Variants in RWDD1 observed in about 807,000 individuals in gnomAD.
RWDD1 encodes the protein RWD domain containing 1.
A neutral mutation model predicts 31.6 loss-of-function variants in RWDD1; 17 were observed. The observed-to-expected ratio is 0.54, with a 90% confidence interval of 0.37 to 0.81. RWDD1 has a LOEUF of 0.81. RWDD1 is among the 30% of genes least tolerant of loss of function. The pLI, the probability that RWDD1 is intolerant of heterozygous loss-of-function variation, is 0.00. For missense variants in RWDD1, 204 were observed against 274.5 expected (o/e 0.74, Z 1.82); for synonymous variants, 78 against 94.2 (o/e 0.83, Z 0.99).
Position 116,584,726 on chromosome 6 carries a change from GCTGTC to G in RWDD1, c.141_145del (p.Val48AspfsTer9). 1 of 1,610,354 alleles carries G rather than the reference GCTGTC, an allele frequency of 6.2e-7. No individual in the cohort carries two copies. ...CATCAAACTCTTATCTTGTGTCTTA[GCTGTC>G]CAGACTACCCTCAAGTTTACATACA... On this transcript the variant is annotated frameshift_variant and splice_region_variant, in exon 3 of 7. Transcript: ENST00000466444. LOFTEE classifies it high-confidence loss of function.
chr6:116,579,694 T>C (rs1774914402), intron 1 of RWDD1, among the ~76,000 whole-genome samples: 2 of 152,230 alleles, frequency 1.3e-5, no homozygotes, highest in South Asian at 4.1e-4. Flanking sequence ...GTAAATTACA[T>C]GCAATCTGAT....
chr6:116,591,138 CTCTT>C (rs545882780), intron 6 of RWDD1, among the ~76,000 whole-genome samples, 188 bp downstream of exon 6: 182 of 151,608 alleles, frequency 1.2e-3, no homozygotes, highest in African/African-American at 4.3e-3. Flanking sequence ...ATAATGTAGT[CTCTT>C]TAATTTTGAA....
intron 6 of RWDD1, 57 bp from the exon 7 acceptor site, chr6:116,592,923 T>C: frequency 6.4e-7 from 1 of 1,568,038 alleles, no homozygotes. Flanking sequence ...TTTTATCTTC[T>C]ATTTCTGAGT....
intron 1 of RWDD1, among the ~76,000 whole-genome samples, chr6:116,575,939 T>G (rs1005385837): frequency 4.6e-5 from 7 of 152,196 alleles, no homozygotes; most frequent in Non-Finnish European, 7.4e-5. Flanking sequence ...ATCTTTTTAG[T>G]GGGAACTTAG....
intron 1 of RWDD1, among the ~76,000 whole-genome samples, chr6:116,579,577 G>A (rs542521910): frequency 2.0e-5 from 3 of 152,276 alleles, no homozygotes; most frequent in Admixed American, 6.5e-5. Flanking sequence ...TCTTGTTGAG[G>A]AATAGATGAT....
chr6:116,584,374 G>T (rs1293972743), intron 2 of RWDD1, among the ~76,000 whole-genome samples: 3 of 141,516 alleles, frequency 2.1e-5, no homozygotes, highest in Non-Finnish European at 4.6e-5. Context: ...GGCTGAAAAT[G>T]AGCATACGGT....
chr6:116,596,991 A>C lies in RWDD1; in HGVS notation c.*3890A>C, dbSNP rs1044362956. 11 of 152,188 alleles carry C rather than the reference A, an allele frequency of 7.2e-5. No individual in the cohort carries two copies. The highest frequency in any genetic ancestry group is 2.4e-4 in the African/African-American group (10 of 41,444). The allele number at this position is 152,188 out of a possible 1,614,324, so 9.4% of individuals were successfully genotyped here. A position where few individuals can be genotyped will look rare whatever the true frequency, so the allele number is the denominator to read the frequency against. Reference sequence around the variant, plus strand: ...ACAAAGTCACTCTGCGATTTCAGTAAGGCCCATTCCCAACATGAGTGCTGC... The same window carrying C: ...ACAAAGTCACTCTGCGATTTCAGTACGGCCCATTCCCAACATGAGTGCTGC... On this transcript the variant is annotated 3_prime_UTR_variant, in exon 7 of 7. Transcript: ENST00000466444.
rs1775236894 is a variant in RWDD1 at position 116,596,231 on chromosome 6, G to T, written c.*3130G>T. The stretch of plus-strand genomic sequence containing the variant: ...TCAAAATGAGAGTCACACACTTCAA[G>T]AACTGTAGGAACTAATTTTAGAAAA... On this transcript the variant is annotated 3_prime_UTR_variant, in exon 7 of 7. Transcript: ENST00000466444. The T allele has an allele frequency of 6.6e-6, 1 of 152,236 alleles. No individual in the cohort carries two copies. Among genetic ancestry groups the T allele is most frequent in the Non-Finnish European group, 1.5e-5 (1 of 68,042 alleles). 9.4% of individuals were successfully genotyped at this position (152,236 alleles called of 1,614,324 possible). A position where few individuals can be genotyped will look rare whatever the true frequency, so the allele number is the denominator to read the frequency against.
intron 2 of RWDD1, among the ~76,000 whole-genome samples, chr6:116,581,281 T>C (rs1173432495): frequency 6.6e-6 from 1 of 152,132 alleles, no homozygotes. Flanking sequence ...AATTTTCCTT[T>C]GTAAATAAGC....
intron 2 of RWDD1, among the ~76,000 whole-genome samples, chr6:116,583,485 T>C (rs1424719488): frequency 6.6e-6 from 1 of 152,154 alleles, no homozygotes; most frequent in Non-Finnish European, 1.5e-5. Context: ...TACTGTATTG[T>C]ATACTTGAAA....
At chr6:116,590,538 T>A in intron 5 of RWDD1, 134 bp downstream of exon 5, 1 of 1,120,024 alleles carries the variant, frequency 8.9e-7, no homozygotes, top group Non-Finnish European at 1.2e-6. Context: ...AGAAAACATA[T>A]CTACCAGATG....
intron 2 of RWDD1, among the ~76,000 whole-genome samples, chr6:116,582,825 G>C (rs1167189215): frequency 6.6e-6 from 1 of 151,484 alleles, no homozygotes; most frequent in Non-Finnish European, 1.5e-5. Context: ...GTTCCTTGAG[G>C]GGCATGTTAA....
intron 2 of RWDD1, among the ~76,000 whole-genome samples, chr6:116,583,365 A>G (rs956351988): frequency 2.6e-5 from 4 of 152,188 alleles, no homozygotes; most frequent in African/African-American, 9.6e-5. Flanking sequence ...TCTGGGAGGT[A>G]GTAGGAATGG....
intron 1 of RWDD1, among the ~76,000 whole-genome samples, chr6:116,579,113 T>G (rs746762271): frequency 2.0e-5 from 3 of 152,188 alleles, no homozygotes; most frequent in Non-Finnish European, 2.9e-5. Flanking sequence ...TGGCTTCAAG[T>G]GATCCGCCCG....
At chr6:116,576,481 T>TG (rs1430427047) in intron 1 of RWDD1, among the ~76,000 whole-genome samples, 1 of 152,246 alleles carries the variant, frequency 6.6e-6, no homozygotes, top group Non-Finnish European at 1.5e-5. Context: ...GTATTGAACA[T>TG]GCGTCTCATG....
Position 116,596,103 on chromosome 6 carries a change from T to TA in RWDD1, c.*3004dup, listed in dbSNP as rs973609904. 1.3e-5 allele frequency: 2 copies of TA among 152,232 alleles called. No individual in the cohort carries two copies. The highest frequency in any genetic ancestry group is 2.9e-5 in the Non-Finnish European group (2 of 68,034). 9.4% of individuals were successfully genotyped at this position (152,232 alleles called of 1,614,324 possible). ...CAGCCCTTTTAGGTGTAATGAAGTG[T>TA]AACAGAAAAGTAAGTGAACTACTTC... On this transcript the variant is annotated 3_prime_UTR_variant, in exon 7 of 7. Coordinates refer to ENST00000466444, the MANE Select transcript of RWDD1 (RefSeq NM_015952.4).
intron 2 of RWDD1, 57 bp downstream of exon 2, chr6:116,580,417 T>C: frequency 7.7e-7 from 1 of 1,301,346 alleles, no homozygotes; most frequent in Non-Finnish European, 1.1e-6. Flanking sequence ...ATTTCACTCA[T>C]TCTGTAGGCA....
Position 116,593,947 on chromosome 6 carries a change from A to G in RWDD1, c.*846A>G, listed in dbSNP as rs965111291. The G allele has an allele frequency of 2.0e-5, 3 of 151,770 alleles. No homozygotes were observed. Among genetic ancestry groups the G allele is most frequent in the Non-Finnish European group, 4.4e-5 (3 of 68,032 alleles). The allele number at this position is 151,770 out of a possible 1,614,324, so 9.4% of individuals were successfully genotyped here. Reference sequence around the variant, plus strand: ...GCAACAGAGCAAGACTCCGTCTCAAAAAAAAAAAAAAGGTTTATTTGGCTC... The same window carrying G: ...GCAACAGAGCAAGACTCCGTCTCAAGAAAAAAAAAAAGGTTTATTTGGCTC... On this transcript the variant is annotated 3_prime_UTR_variant, in exon 7 of 7. Coordinates refer to ENST00000466444, the MANE Select transcript of RWDD1 (RefSeq NM_015952.4).
At chr6:116,587,441 A>G (rs1775063107) in intron 3 of RWDD1, among the ~76,000 whole-genome samples, 1 of 152,190 alleles carries the variant, frequency 6.6e-6, no homozygotes. Context: ...TAGAACTTCT[A>G]GTCACACAAC....
Sources: gnomAD v4.1 joint callset for allele counts (sites outside exome capture counted in the v4.1 genomes callset) on GRCh38, gnomAD v4.1.1 for gene constraint, MANE v1.5 for transcripts, NCBI Gene and HGNC (gene_info 2026-07-23, HGNC 2026-07-21) for gene names.